Variants in OXR1 observed in about 807,000 individuals in gnomAD.
OXR1 encodes oxidation resistance 1.
Under a neutral mutation model 104.6 loss-of-function variants are expected in OXR1, and 41 were observed. The observed-to-expected ratio is 0.39, with a 90% CI of 0.31 to 0.51. OXR1 has a LOEUF of 0.51. Ranked by LOEUF, OXR1 falls within the 20% of genes least tolerant of loss-of-function variation. OXR1 has a pLI of 0.77. For missense variants in OXR1, 955 were observed against 1,031.9 expected (o/e 0.93, Z 1.02); for synonymous variants, 348 against 348.4 (o/e 1.00, Z 0.01).
At position 106,379,474 on chromosome 8, in the gene OXR1, A is replaced by G. The variant is rs73698911; in HGVS notation, c.23+19838A>G. On this transcript the variant is annotated intron_variant, in intron 2 of 16. Coordinates refer to ENST00000517566, the MANE Select transcript of OXR1 (RefSeq NM_001198533.2). ...TTTAATTGATATAAACACTGGACCA[A>G]TTTTTTGTATACAAGTTTACTATAA... Among the ~76,000 whole-genome samples, 1,133 of 147,564 alleles carry G rather than the reference A, an allele frequency of 7.7e-3. 17 individuals carry two copies. Among genetic ancestry groups the G allele is most frequent in the African/African-American group, 0.026 (1,047 of 39,982 alleles).
intron 1 of OXR1, among the ~76,000 whole-genome samples, chr8:106,331,997 A>AGTGTGTGTGTGT (rs3073756): frequency 1.2e-3 from 164 of 138,158 alleles, no homozygotes; most frequent in African/African-American, 3.9e-3. Flanking sequence ...GAAAGAACAT[A>AGTGTGTGTGTGT]GTGTGTGTGT....
At chr8:106,311,422 G>A (rs1813695172) in intron 1 of OXR1, among the ~76,000 whole-genome samples, 1 of 151,846 alleles carries the variant, frequency 6.6e-6, no homozygotes, top group Non-Finnish European at 1.5e-5. Context: ...TGAGTGGTAA[G>A]CATTACTATT....
chr8:106,677,564 T>G (rs1827728930), intron 3 of OXR1, among the ~76,000 whole-genome samples: 1 of 152,148 alleles, frequency 6.6e-6, no homozygotes, highest in Non-Finnish European at 1.5e-5. Flanking sequence ...TCAGTATAGT[T>G]TAAATTTGCA....
At chr8:106,478,351 C>T (rs1821917989) in intron 2 of OXR1, among the ~76,000 whole-genome samples, 1 of 151,714 alleles carries the variant, frequency 6.6e-6, no homozygotes, top group Non-Finnish European at 1.5e-5. Context: ...TTCAAAATTA[C>T]TGGAGTCAAA....
chr8:106,606,272 A>G (rs902733687), intron 3 of OXR1, among the ~76,000 whole-genome samples: 2 of 149,100 alleles, frequency 1.3e-5, no homozygotes, highest in South Asian at 4.3e-4. Context: ...TCCTTAGAGC[A>G]TATCACTATG....
chr8:106,403,584 A>G (rs1818089156), intron 2 of OXR1, among the ~76,000 whole-genome samples: 1 of 152,226 alleles, frequency 6.6e-6, no homozygotes, highest in Admixed American at 6.5e-5. Context: ...TAGATCACAA[A>G]TAACAAGCCT....
chr8:106,389,697 C>G lies in OXR1; in HGVS notation c.23+30061C>G, dbSNP rs536158851. ...ATATTTCATATTTGATGATGTATGC[C>G]TTCAGATATTAACTGGAAAGACAAA... On this transcript the variant is annotated intron_variant, in intron 2 of 16. Transcript: ENST00000517566. Among the ~76,000 whole-genome samples, 16 of 152,230 alleles carry G rather than the reference C, an allele frequency of 1.1e-4. No individual in the cohort carries two copies. The South Asian group carries it at 3.3e-3, about 32-fold the overall frequency.
chr8:106,452,937 T>C (rs954409704), intron 2 of OXR1, among the ~76,000 whole-genome samples: 12 of 151,816 alleles, frequency 7.9e-5, no homozygotes, highest in African/African-American at 2.9e-4. Flanking sequence ...TGCCCCGAAC[T>C]TCTCCCACTA....
chr8:106,737,395 G>A, intron 11 of OXR1, 125 bp from the exon 12 acceptor site: 1 of 413,288 alleles, frequency 2.4e-6, no homozygotes, highest in Non-Finnish European at 4.3e-6. Flanking sequence ...CATAGAGTGG[G>A]GAAGAAATCC....
At chr8:106,672,013 G>C (rs536462501) in intron 3 of OXR1, among the ~76,000 whole-genome samples, 76 of 145,898 alleles carry the variant, frequency 5.2e-4, no homozygotes, top group African/African-American at 1.8e-3. Context: ...ATAAAAGGCT[G>C]TGAGGAGTCA....
rs1049407982 is a variant in OXR1, at chr8:106,657,869, C to T, written c.221-21341C>T. Reference sequence around the variant, plus strand: ...CCTCCTCCCCGCCTCTTGTGAGGCGCGCGGAGCCGCCTCCCCTGGGTCAGG... The same window carrying T: ...CCTCCTCCCCGCCTCTTGTGAGGCGTGCGGAGCCGCCTCCCCTGGGTCAGG... On this transcript the variant is annotated intron_variant, in intron 3 of 16. Transcript: ENST00000517566. The T allele has an allele frequency of 1.4e-5, 17 of 1,241,322 alleles. No individual in the cohort carries two copies. In the African/African-American group the frequency reaches 1.9e-4, roughly 14 times the overall value. 76.9% of individuals were successfully genotyped at this position (1,241,322 alleles called of 1,614,324 possible). A position where few individuals can be genotyped will look rare whatever the true frequency, so the allele number is the denominator to read the frequency against.
chr8:106,715,504 G>A (rs1474099908), intron 11 of OXR1, among the ~76,000 whole-genome samples: 1 of 150,834 alleles, frequency 6.6e-6, no homozygotes, highest in Non-Finnish European at 1.5e-5. Context: ...AGCTTTAGAA[G>A]GTACTTAAAA....
At chr8:106,350,272 A>G (rs1815669169) in intron 1 of OXR1, among the ~76,000 whole-genome samples, 1 of 152,222 alleles carries the variant, frequency 6.6e-6, no homozygotes. Context: ...AAATTATAGC[A>G]GTATCTGATA....
intron 2 of OXR1, among the ~76,000 whole-genome samples, chr8:106,392,160 T>C (rs1817608197): frequency 1.3e-5 from 2 of 152,320 alleles, no homozygotes; most frequent in South Asian, 4.1e-4. Context: ...CCAATGGATG[T>C]TCAACCCTTG....
At chr8:106,604,671 G>A (rs969072727) in intron 3 of OXR1, 6 of 152,132 alleles carry the variant, frequency 3.9e-5, no homozygotes, top group African/African-American at 1.2e-4. Context: ...TTGAATAAAC[G>A]TTTCTAGGAA....
chr8:106,421,601 A>G (rs1818910882), intron 2 of OXR1, among the ~76,000 whole-genome samples: 2 of 152,126 alleles, frequency 1.3e-5, no homozygotes, highest in African/African-American at 2.4e-5. Context: ...TCCCTTCCAT[A>G]TGCTTCTCAC....
At chr8:106,594,262 A>G (rs201120511) in intron 3 of OXR1, among the ~76,000 whole-genome samples, 8 of 152,166 alleles carry the variant, frequency 5.3e-5, no homozygotes, top group African/African-American at 1.9e-4. Context: ...CTTAGTCCCC[A>G]TTAAAGTGAA....
chr8:106,456,794 A>G (rs1820619460), intron 2 of OXR1, among the ~76,000 whole-genome samples: 1 of 152,196 alleles, frequency 6.6e-6, no homozygotes, highest in East Asian at 1.9e-4. Context: ...CATGTCAACC[A>G]AAGGAATGAT....
intron 2 of OXR1, among the ~76,000 whole-genome samples, chr8:106,511,113 T>C (rs1016248162): frequency 2.6e-5 from 4 of 152,200 alleles, no homozygotes; most frequent in Non-Finnish European, 5.9e-5. Flanking sequence ...AAAGCATAAG[T>C]TTCCAATCTA....
Sources: allele counts gnomAD v4.1 joint callset (sites outside exome capture counted in the v4.1 genomes callset), GRCh38; gene constraint gnomAD v4.1.1; transcripts MANE v1.5; gene names NCBI Gene and HGNC (gene_info 2026-07-23, HGNC 2026-07-21).